Variants in MYRIP observed in about 807,000 individuals in gnomAD.
The protein encoded by MYRIP is myosin VIIA and Rab interacting protein.
A neutral mutation model predicts 98.0 loss-of-function variants in MYRIP; 49 were observed. That is an observed-to-expected ratio of 0.50 (90% CI 0.40 to 0.63). MYRIP has a LOEUF of 0.63. Among genes scored for constraint, MYRIP ranks in the 30% least tolerant of loss-of-function variants. The pLI, the probability that MYRIP is intolerant of heterozygous loss-of-function variation, is 0.00. For missense variants in MYRIP, 1,004 were observed against 1,058.2 expected (o/e 0.95, Z 0.71); for synonymous variants, 404 against 409.5 (o/e 0.99, Z 0.16).
intron 1 of MYRIP, among the ~76,000 whole-genome samples, chr3:39,852,667 A>G (rs1236035832): frequency 2.0e-5 from 3 of 152,128 alleles, no homozygotes; most frequent in African/African-American, 7.2e-5. Context: ...CGTCACTTAG[A>G]ATAATGGTCC....
intron 3 of MYRIP, among the ~76,000 whole-genome samples, chr3:40,048,628 C>T (rs1464636059): frequency 1.3e-5 from 2 of 152,112 alleles, no homozygotes; most frequent in East Asian, 1.9e-4. Context: ...TTCTTCTTTT[C>T]ATCTCAGTGA....
At chr3:39,863,019 A>C (rs1330865579) in intron 1 of MYRIP, among the ~76,000 whole-genome samples, 2 of 152,086 alleles carry the variant, frequency 1.3e-5, no homozygotes, top group Non-Finnish European at 2.9e-5. Flanking sequence ...TAACTACATT[A>C]ATTACATGAA....
At chr3:39,876,964 C>T (rs1463232333) in intron 1 of MYRIP, among the ~76,000 whole-genome samples, 10 of 152,324 alleles carry the variant, frequency 6.6e-5, no homozygotes, top group Non-Finnish European at 1.0e-4. Context: ...TTCTCCCCGT[C>T]GCTTTCAGGT....
At chr3:40,052,987 T>C (rs1013851024) in intron 3 of MYRIP, among the ~76,000 whole-genome samples, 1 of 152,154 alleles carries the variant, frequency 6.6e-6, no homozygotes, top group African/African-American at 2.4e-5. Flanking sequence ...TTAGGAGTAA[T>C]CATTCTTTAG....
intron 2 of MYRIP, among the ~76,000 whole-genome samples, chr3:39,987,596 G>C (rs895726023): frequency 3.9e-5 from 6 of 152,280 alleles, no homozygotes; most frequent in Middle Eastern, 3.4e-3. Flanking sequence ...CTTTGGCAAT[G>C]GTTGAACTAA....
At chr3:39,877,036 T>C (rs35461124) in intron 1 of MYRIP, among the ~76,000 whole-genome samples, 2 of 151,996 alleles carry the variant, frequency 1.3e-5, no homozygotes, top group African/African-American at 4.8e-5. Context: ...AGGCTTTGCT[T>C]GTTTCTTTTT....
chr3:39,995,686 T>G (rs987867742), intron 2 of MYRIP, among the ~76,000 whole-genome samples: 2 of 152,056 alleles, frequency 1.3e-5, no homozygotes, highest in Non-Finnish European at 2.9e-5. Context: ...ATACAATGAA[T>G]GACGCAAAGA....
At chr3:40,192,832 C>T (rs1030053343) in intron 10 of MYRIP, among the ~76,000 whole-genome samples, 4 of 152,170 alleles carry the variant, frequency 2.6e-5, no homozygotes, top group Non-Finnish European at 4.4e-5. Flanking sequence ...GGCTGGTTAG[C>T]TGAGTCATTG....
chr3:40,171,622 C>A (rs1171691494), intron 8 of MYRIP, among the ~76,000 whole-genome samples: 1 of 152,190 alleles, frequency 6.6e-6, no homozygotes, highest in Non-Finnish European at 1.5e-5. Flanking sequence ...CTCTGCCACT[C>A]CTGGGGTAGG....
intron 10 of MYRIP, 133 bp downstream of exon 10, chr3:40,190,596 G>C: frequency 1.4e-6 from 2 of 1,406,584 alleles, no homozygotes; most frequent in Non-Finnish European, 1.9e-6. Context: ...TTGCAGCTAA[G>C]TAGCTGAGTG....
intron 11 of MYRIP, among the ~76,000 whole-genome samples, chr3:40,224,667 A>G (rs1450084947): frequency 2.0e-5 from 3 of 152,180 alleles, no homozygotes; most frequent in Non-Finnish European, 4.4e-5. Context: ...TACTTTTAAA[A>G]TTTATTTTTT....
chr3:40,116,844 T>C (rs369144394), intron 3 of MYRIP, among the ~76,000 whole-genome samples: 19 of 152,352 alleles, frequency 1.2e-4, no homozygotes, highest in East Asian at 3.9e-4. Context: ...AGCATTTCTC[T>C]ACAATCTCAT....
chr3:39,975,829 G>A (rs1282234000), intron 2 of MYRIP, among the ~76,000 whole-genome samples: 4 of 152,136 alleles, frequency 2.6e-5, no homozygotes, highest in South Asian at 2.1e-4. Flanking sequence ...ATGGTGCTGG[G>A]AAAACTGGCT....
intron 2 of MYRIP, among the ~76,000 whole-genome samples, chr3:39,981,772 C>T (rs1157372945): frequency 1.3e-5 from 2 of 152,166 alleles, no homozygotes; most frequent in Non-Finnish European, 2.9e-5. Context: ...ATAAGACATA[C>T]AGCTAAGAGC....
chr3:39,811,849 A>C (rs1384973776), intron 1 of MYRIP, among the ~76,000 whole-genome samples: 1 of 151,188 alleles, frequency 6.6e-6, no homozygotes, highest in East Asian at 2.0e-4. Flanking sequence ...TGTTAGCCAT[A>C]CTCAGCTCAG....
At chr3:40,202,817 T>C (rs1194959007) in intron 10 of MYRIP, among the ~76,000 whole-genome samples, 1 of 152,038 alleles carries the variant, frequency 6.6e-6, no homozygotes, top group African/African-American at 2.4e-5. Context: ...CCCTGTAGAG[T>C]GTGCACCCAA....
chr3:39,879,423 TATTGAAC>T (rs1339176139), intron 1 of MYRIP, among the ~76,000 whole-genome samples: 1 of 152,006 alleles, frequency 6.6e-6, no homozygotes, highest in African/African-American at 2.4e-5. Context: ...GTTGATGGTA[TATTGAAC>T]ATTGTGGAGG....
At chr3:40,095,513 GA>G (rs911138294) in intron 3 of MYRIP, among the ~76,000 whole-genome samples, 13 of 152,164 alleles carry the variant, frequency 8.5e-5, no homozygotes, top group African/African-American at 3.1e-4. Context: ...CACACTCTGA[GA>G]AGCCAGCTTT....
intron 2 of MYRIP, among the ~76,000 whole-genome samples, chr3:39,941,052 A>G (rs1033961203): frequency 6.6e-6 from 1 of 152,042 alleles, no homozygotes; most frequent in Non-Finnish European, 1.5e-5. Context: ...GCCCCACATC[A>G]TTTACTGTCT....
Sources: allele counts gnomAD v4.1 joint callset (sites outside exome capture counted in the v4.1 genomes callset), GRCh38; gene constraint gnomAD v4.1.1; transcripts MANE v1.5; gene names NCBI Gene and HGNC (gene_info 2026-07-23, HGNC 2026-07-21).